RFX3: variants seen among roughly 807,000 people sequenced by gnomAD.
RFX3 encodes regulatory factor X3.
A neutral mutation model predicts 98.6 loss-of-function variants in RFX3; 14 were observed. That is an observed-to-expected ratio of 0.14 (90% CI 0.09 to 0.22). The LOEUF (loss-of-function observed/expected upper bound fraction) is 0.22. RFX3 is among the 10% of genes least tolerant of loss of function. The pLI is 1.00. For synonymous variants in RFX3, 383 were observed against 328.4 expected (o/e 1.17, Z -1.80); for missense variants, 639 against 926.9 (o/e 0.69, Z 4.03).
chr9:3,490,778 T>G (rs2133497931), intron 1 of RFX3, among the ~76,000 whole-genome samples: 1 of 152,240 alleles, frequency 6.6e-6, no homozygotes, highest in South Asian at 2.1e-4. Context: ...GCAGCTGACA[T>G]GCATTTGCTC....
rs1564051609 is a variant in RFX3 at position 3,400,900 on chromosome 9, G to A, written c.-8-5304C>T. 3.9e-5 allele frequency among the ~76,000 whole-genome samples: 6 copies of A among 152,278 alleles called. 1 individual carries two copies. Among genetic ancestry groups the A allele is most frequent in the African/African-American group, 1.4e-4 (6 of 41,558 alleles). Reference sequence around the variant, plus strand: ...TTGCCAAAAGCCACACAACTAGTAAGAGAAAAAGCCTGAATTCACTTGATG... The same window carrying A: ...TTGCCAAAAGCCACACAACTAGTAAAAGAAAAAGCCTGAATTCACTTGATG... On this transcript the variant is annotated intron_variant, in intron 1 of 16. Coordinates refer to ENST00000617270, the MANE Select transcript of RFX3 (RefSeq NM_001282116.2).
chr9:3,457,802 T>C (rs1034911462), intron 1 of RFX3, among the ~76,000 whole-genome samples: 1 of 152,108 alleles, frequency 6.6e-6, no homozygotes, highest in African/African-American at 2.4e-5. Flanking sequence ...TTGCCATCTA[T>C]ATGCAATTCA....
intron 1 of RFX3, among the ~76,000 whole-genome samples, chr9:3,441,873 T>C (rs1845637624): frequency 6.6e-6 from 1 of 151,912 alleles, no homozygotes; most frequent in South Asian, 2.1e-4. Flanking sequence ...GTGACTTGCT[T>C]CCAAAAAACA....
intron 1 of RFX3, among the ~76,000 whole-genome samples, chr9:3,516,303 C>A (rs1587916658): frequency 6.6e-6 from 1 of 152,172 alleles, no homozygotes; most frequent in Non-Finnish European, 1.5e-5. Context: ...CCGCCTCAGC[C>A]TCCCAAAGTG....
intron 14 of RFX3, among the ~76,000 whole-genome samples, chr9:3,249,873 ATAG>A (rs1821155734): frequency 6.6e-6 from 1 of 152,070 alleles, no homozygotes; most frequent in South Asian, 2.1e-4. Context: ...ATTATCATAA[ATAG>A]TAGGTCTAGT....
At chr9:3,482,335 G>T (rs561465793) in intron 1 of RFX3, among the ~76,000 whole-genome samples, 1 of 151,890 alleles carries the variant, frequency 6.6e-6, no homozygotes, top group Admixed American at 6.6e-5. Context: ...GCCAGAGTGA[G>T]CACATATGCA....
chr9:3,517,194 C>T (rs1818267722), intron 1 of RFX3, among the ~76,000 whole-genome samples: 1 of 152,162 alleles, frequency 6.6e-6, no homozygotes, highest in African/African-American at 2.4e-5. Flanking sequence ...TTGGAAAGGG[C>T]TTTAGAAATC....
intron 1 of RFX3, among the ~76,000 whole-genome samples, chr9:3,511,606 A>G (rs886883068): frequency 6.6e-6 from 1 of 152,072 alleles, no homozygotes; most frequent in Non-Finnish European, 1.5e-5. Flanking sequence ...GAAGCAGAAG[A>G]TAGTTGGTTC....
intron 2 of RFX3, among the ~76,000 whole-genome samples, chr9:3,387,780 A>T (rs1839878900): frequency 6.6e-6 from 1 of 152,102 alleles, no homozygotes; most frequent in South Asian, 2.1e-4. Flanking sequence ...AGCAAACCGG[A>T]GAAAAATGCC....
At chr9:3,363,292 T>C (rs769933146) in intron 2 of RFX3, among the ~76,000 whole-genome samples, 14 of 152,200 alleles carry the variant, frequency 9.2e-5, no homozygotes, top group Non-Finnish European at 1.8e-4. Flanking sequence ...TCAATAAATG[T>C]ATGCAGCACA....
chr9:3,490,103 AG>A (rs1850621131), intron 1 of RFX3, among the ~76,000 whole-genome samples: 2 of 152,210 alleles, frequency 1.3e-5, no homozygotes, highest in South Asian at 4.1e-4. Flanking sequence ...TAGAAAATAA[AG>A]TTCTTCACCA....
chr9:3,394,769 T>A, intron 2 of RFX3: 1 of 911,030 alleles, frequency 1.1e-6, no homozygotes, highest in Non-Finnish European at 1.3e-6. Flanking sequence ...ATGATCTTTC[T>A]CACTTATGTT....
chr9:3,481,908 A>T (rs978513443), intron 1 of RFX3, among the ~76,000 whole-genome samples: 1 of 152,156 alleles, frequency 6.6e-6, no homozygotes, highest in Non-Finnish European at 1.5e-5. Context: ...GTGTCAGAGT[A>T]AACAAAGAAA....
intron 1 of RFX3, among the ~76,000 whole-genome samples, chr9:3,415,976 A>G (rs932425354): frequency 2.6e-5 from 4 of 152,190 alleles, no homozygotes; most frequent in South Asian, 2.1e-4. Flanking sequence ...ATACCTGCTC[A>G]TAGTAACTTC....
At chr9:3,299,159 T>G (rs565207976) in intron 5 of RFX3, among the ~76,000 whole-genome samples, 1 of 151,854 alleles carries the variant, frequency 6.6e-6, no homozygotes, top group East Asian at 1.9e-4. Context: ...AACAATTTTT[T>G]TAAAAAACTC....
At chr9:3,415,584 A>G (rs1464188185) in intron 1 of RFX3, among the ~76,000 whole-genome samples, 1 of 151,964 alleles carries the variant, frequency 6.6e-6, no homozygotes, top group Non-Finnish European at 1.5e-5. Context: ...TTCCTTGGCT[A>G]TCTCTTCTTT....
At chr9:3,318,166 T>A (rs1830847153) in intron 4 of RFX3, among the ~76,000 whole-genome samples, 1 of 152,174 alleles carries the variant, frequency 6.6e-6, no homozygotes, top group Non-Finnish European at 1.5e-5. Flanking sequence ...ATGTGGCACA[T>A]ATACACCATG....
intron 2 of RFX3, among the ~76,000 whole-genome samples, chr9:3,369,980 C>T (rs547695984): frequency 1.3e-5 from 2 of 150,452 alleles, no homozygotes; most frequent in African/African-American, 2.4e-5. Flanking sequence ...AGGCGCCCGC[C>T]ACTACGCCCG....
At chr9:3,300,352 C>A (rs945407064) in intron 5 of RFX3, among the ~76,000 whole-genome samples, 2 of 151,552 alleles carry the variant, frequency 1.3e-5, no homozygotes, top group Non-Finnish European at 3.0e-5. Context: ...AGTTGGCTAA[C>A]CTGGTTTTGT....
Sources: gnomAD v4.1 joint callset for allele counts (sites outside exome capture counted in the v4.1 genomes callset) on GRCh38, gnomAD v4.1.1 for gene constraint, MANE v1.5 for transcripts, NCBI Gene and HGNC (gene_info 2026-07-23, HGNC 2026-07-21) for gene names.